PPM1L: variants seen among roughly 807,000 people sequenced by gnomAD.
PPM1L encodes the protein protein phosphatase 1L.
In PPM1L, 13 loss-of-function variants were observed where a neutral mutation model predicts 31.4. The observed-to-expected ratio is 0.41, with a 90% CI of 0.27 to 0.66. The LOEUF is 0.66. Among genes scored for constraint, PPM1L ranks in the 30% least tolerant of loss-of-function variants. The pLI, the probability that PPM1L is intolerant of heterozygous loss-of-function variation, is 0.29. For missense variants in PPM1L, 326 were observed against 453.7 expected, an observed-to-expected ratio of 0.72 and a Z score of 2.56; for synonymous variants, 184 against 175.4, an observed-to-expected ratio of 1.05 and a Z score of -0.39.
intron 2 of PPM1L, among the ~76,000 whole-genome samples, chr3:161,011,768 T>C (rs891930651): frequency 9.2e-5 from 14 of 152,210 alleles, no homozygotes; most frequent in African/African-American, 3.1e-4. Context: ...TATTTTATTC[T>C]CTTTGATGCA....
At chr3:160,885,820 GCCTGCGGAGCTC>G (rs1479683367) in intron 1 of PPM1L, among the ~76,000 whole-genome samples, 1 of 152,218 alleles carries the variant, frequency 6.6e-6, no homozygotes, top group Non-Finnish European at 1.5e-5. Context: ...ATCTGCTTAA[GCCTGCGGAGCTC>G]CCCTGGGGGA....
intron 1 of PPM1L, among the ~76,000 whole-genome samples, chr3:160,825,744 C>A (rs969822018): frequency 6.6e-6 from 1 of 152,020 alleles, no homozygotes; most frequent in Admixed American, 6.6e-5. Flanking sequence ...TTTTTTGAGC[C>A]AGTGGTATTT....
chr3:160,867,933 C>A (rs531193342), intron 1 of PPM1L, among the ~76,000 whole-genome samples: 6 of 152,150 alleles, frequency 3.9e-5, no homozygotes, highest in Admixed American at 2.0e-4. Context: ...TAACCTAAAC[C>A]ACTTTGACTT....
intron 1 of PPM1L, among the ~76,000 whole-genome samples, chr3:160,922,264 CA>C: frequency 6.6e-6 from 1 of 151,078 alleles, no homozygotes; most frequent in Non-Finnish European, 1.5e-5. Context: ...GAGCCGAGAT[CA>C]CACCACTGCA....
chr3:160,970,738 G>C (rs1716302540), intron 2 of PPM1L, among the ~76,000 whole-genome samples: 1 of 149,180 alleles, frequency 6.7e-6, no homozygotes, highest in African/African-American at 2.5e-5. Context: ...GATTACAGGT[G>C]TGTGCTATTG....
chr3:160,975,840 C>G (rs1716550489), intron 2 of PPM1L, among the ~76,000 whole-genome samples: 1 of 149,328 alleles, frequency 6.7e-6, no homozygotes, highest in Admixed American at 6.7e-5. Flanking sequence ...TTGACTTCCT[C>G]TTTTCCTAAT....
At chr3:160,967,883 C>T (rs1039935590) in intron 2 of PPM1L, among the ~76,000 whole-genome samples, 4 of 152,016 alleles carry the variant, frequency 2.6e-5, no homozygotes. Flanking sequence ...TGAACAGGAC[C>T]TCATAGATGT....
At chr3:160,934,331 G>C (rs1462711611) in intron 1 of PPM1L, among the ~76,000 whole-genome samples, 3 of 152,220 alleles carry the variant, frequency 2.0e-5, no homozygotes, top group African/African-American at 4.8e-5. Context: ...AAATTTAAGA[G>C]AAGATTACAC....
intron 1 of PPM1L, among the ~76,000 whole-genome samples, chr3:160,850,072 C>G (rs1382104220): frequency 6.6e-6 from 1 of 152,198 alleles, no homozygotes; most frequent in African/African-American, 2.4e-5. Flanking sequence ...ACACTGATCA[C>G]AAGTCCAGAT....
chr3:160,972,593 C>G (rs1210961415), intron 2 of PPM1L, among the ~76,000 whole-genome samples: 1 of 152,152 alleles, frequency 6.6e-6, no homozygotes, highest in Non-Finnish European at 1.5e-5. Flanking sequence ...TTAATCCAGT[C>G]TATCATCATT....
chr3:160,800,098 G>T (rs1712379282), intron 1 of PPM1L, among the ~76,000 whole-genome samples: 1 of 152,126 alleles, frequency 6.6e-6, no homozygotes, highest in Non-Finnish European at 1.5e-5. Context: ...AAGAAAAAAA[G>T]TGCATACTGA....
At chr3:160,883,656 T>C (rs1382946171) in intron 1 of PPM1L, among the ~76,000 whole-genome samples, 1 of 151,748 alleles carries the variant, frequency 6.6e-6, no homozygotes, top group African/African-American at 2.4e-5. Flanking sequence ...TTTGTTTCCA[T>C]AGGATGTGGC....
chr3:160,996,258 C>CT (rs1212743839), intron 2 of PPM1L, among the ~76,000 whole-genome samples: 2 of 152,108 alleles, frequency 1.3e-5, no homozygotes, highest in Non-Finnish European at 2.9e-5. Context: ...AAAAGTAGAG[C>CT]TACCATTCGA....
At chr3:160,758,483 AT>A (rs1416484956) in intron 1 of PPM1L, among the ~76,000 whole-genome samples, 3 of 152,126 alleles carry the variant, frequency 2.0e-5, no homozygotes, top group Non-Finnish European at 4.4e-5. Flanking sequence ...CACAGTTTTA[AT>A]TTTATTAAAG....
At chr3:160,933,125 G>C (rs1322489418) in intron 1 of PPM1L, among the ~76,000 whole-genome samples, 7 of 152,034 alleles carry the variant, frequency 4.6e-5, no homozygotes. Flanking sequence ...ATCTGTACTT[G>C]TTTTCTGATA....
At chr3:160,981,211 A>G (rs1282248057) in intron 2 of PPM1L, among the ~76,000 whole-genome samples, 2 of 152,238 alleles carry the variant, frequency 1.3e-5, no homozygotes, top group Non-Finnish European at 2.9e-5. Context: ...GCAGCTTAAG[A>G]CAATAAATGT....
chr3:160,889,270 C>T (rs61651193), intron 1 of PPM1L, among the ~76,000 whole-genome samples: 3,631 of 151,924 alleles, frequency 0.024, 120 homozygotes, highest in African/African-American at 0.067. Flanking sequence ...AGACTAATAA[C>T]GAAGAAAACA....
At chr3:160,758,278 G>C (rs1576625030) in intron 1 of PPM1L, among the ~76,000 whole-genome samples, 1 of 152,112 alleles carries the variant, frequency 6.6e-6, no homozygotes, top group Non-Finnish European at 1.5e-5. Context: ...TGACAAAGTT[G>C]CCAGTATAAT....
intron 1 of PPM1L, among the ~76,000 whole-genome samples, chr3:160,783,963 A>G (rs1484069738): frequency 1.3e-5 from 2 of 152,232 alleles, no homozygotes; most frequent in Non-Finnish European, 2.9e-5. Context: ...AGAATCCTAC[A>G]TTTATTTTAG....
Sources: allele counts gnomAD v4.1 joint callset (sites outside exome capture counted in the v4.1 genomes callset), GRCh38; gene constraint gnomAD v4.1.1; transcripts MANE v1.5; gene names NCBI Gene and HGNC (gene_info 2026-07-23, HGNC 2026-07-21).